The following CSMD1 variants were observed in gnomAD, a reference collection of about 807,000 sequenced individuals.
CSMD1 encodes CUB and Sushi multiple domains 1.
A neutral mutation model predicts 417.5 loss-of-function variants in CSMD1; 213 were observed. The ratio of observed to expected loss-of-function variants is 0.51; its 90% CI spans 0.46 to 0.57. CSMD1 has a LOEUF of 0.57. Ranked by LOEUF, CSMD1 falls within the 20% of genes least tolerant of loss-of-function variation. The pLI is 0.00. For missense variants in CSMD1, 6,923 were observed against 4,529.7 expected (o/e 1.53, Z -15.17); for synonymous variants, 2,862 against 1,736.8 (o/e 1.65, Z -16.11).
At chr8:3,322,075 C>G (rs1806188902) in intron 23 of CSMD1, among the ~76,000 whole-genome samples, 1 of 152,186 alleles carries the variant, frequency 6.6e-6, no homozygotes, top group Non-Finnish European at 1.5e-5. Flanking sequence ...GATTATTTTA[C>G]ATAATATATG....
At chr8:4,382,620 C>A (rs4875101) in intron 3 of CSMD1, among the ~76,000 whole-genome samples, 74,312 of 152,064 alleles carry the variant, frequency 0.49, 19,505 homozygotes, top group African/African-American at 0.68. Context: ...AAAGGTCATA[C>A]ATATAATTGC....
chr8:4,343,849 C>T (rs1028662533), intron 3 of CSMD1, among the ~76,000 whole-genome samples: 6 of 152,200 alleles, frequency 3.9e-5, no homozygotes, highest in South Asian at 4.1e-4. Context: ...TTTTCTCGTA[C>T]ATCTCCTGTA....
intron 5 of CSMD1, among the ~76,000 whole-genome samples, chr8:3,815,629 T>TC (rs1179625399): frequency 9.0e-5 from 2 of 22,270 alleles, no homozygotes; most frequent in African/African-American, 1.1e-4. Context: ...AGACTTTCTT[T>TC]TTTTTTTTTT....
intron 6 of CSMD1, among the ~76,000 whole-genome samples, chr8:3,746,166 G>T (rs1372849996): frequency 6.6e-6 from 1 of 152,198 alleles, no homozygotes; most frequent in African/African-American, 2.4e-5. Flanking sequence ...AGCAGCTCAG[G>T]GCTGATACGC....
chr8:4,096,985 T>C (rs1482409328), intron 3 of CSMD1, among the ~76,000 whole-genome samples: 1 of 152,206 alleles, frequency 6.6e-6, no homozygotes. Context: ...TTCAAAGGGA[T>C]GGGCAGAGAT....
At chr8:4,682,918 A>C (rs1184776612) in intron 1 of CSMD1, among the ~76,000 whole-genome samples, 1 of 146,014 alleles carries the variant, frequency 6.8e-6, no homozygotes, top group Non-Finnish European at 1.5e-5. Context: ...TTTTAGAGAA[A>C]TGTTTCTCTC....
In CSMD1 at chr8:3,230,250, G is replaced by T. The variant is rs371635862; in HGVS notation, c.4154-19C>A. Reference sequence around the variant, plus strand: ...ATTGAGGCTGCAAACAAAAGAGAAGGCAAGGTCACAGGCTGGAAAACATGG... The same window carrying T: ...ATTGAGGCTGCAAACAAAAGAGAAGTCAAGGTCACAGGCTGGAAAACATGG... On this transcript the variant is annotated intron_variant, in intron 26 of 69. Coordinates refer to ENST00000635120, the MANE Select transcript of CSMD1 (RefSeq NM_033225.6). 1.3e-6 allele frequency: 2 copies of T among 1,547,668 alleles called. No individual in the cohort carries two copies. Among genetic ancestry groups the T allele is most frequent in the Non-Finnish European group, 1.7e-6 (2 of 1,143,148 alleles).
intron 10 of CSMD1, among the ~76,000 whole-genome samples, chr8:3,561,039 A>T (rs934781331): frequency 2.0e-5 from 3 of 152,202 alleles, no homozygotes; most frequent in Admixed American, 1.3e-4. Context: ...CACACATGAA[A>T]AAATGCCCAG....
rs1452832609 is a variant in CSMD1 at position 3,493,668 on chromosome 8, A to G, written c.1403T>C (p.Val468Ala). The G allele has an allele frequency of 2.5e-6, 4 of 1,612,334 alleles. No homozygotes were observed. Among genetic ancestry groups the G allele is most frequent in the Non-Finnish European group, 2.5e-6 (3 of 1,179,372 alleles). The change falls in exon 11 of 70, where the codon GTT becomes GCT. Residue 468 changes from valine to alanine, a missense_variant. Coordinates refer to ENST00000635120, the MANE Select transcript of CSMD1 (RefSeq NM_033225.6). ...GTCTCCCACCTTCCCAGCATCACCA[A>G]CCGTCAGGGTGTCATAGCCTCGCTC... ...ELERGYDTLT[V>A]GDAGKVGDTR...
At chr8:4,377,363 G>A (rs911092133) in intron 3 of CSMD1, among the ~76,000 whole-genome samples, 1 of 152,114 alleles carries the variant, frequency 6.6e-6, no homozygotes, top group East Asian at 1.9e-4. Flanking sequence ...GCTTTTAATG[G>A]TTTGCTTCCT....
At chr8:3,952,986 T>C (rs1163181057) in intron 5 of CSMD1, among the ~76,000 whole-genome samples, 9 of 147,594 alleles carry the variant, frequency 6.1e-5, no homozygotes, top group Admixed American at 4.7e-4. Flanking sequence ...TATTTAAAAA[T>C]TAGAAAAATA....
intron 63 of CSMD1, among the ~76,000 whole-genome samples, chr8:2,956,267 T>C (rs908288551): frequency 6.6e-6 from 1 of 152,036 alleles, no homozygotes; most frequent in Non-Finnish European, 1.5e-5. Flanking sequence ...AAAACTTTAA[T>C]GTGTATTTAG....
At chr8:3,492,804 C>G (rs1270933633) in intron 11 of CSMD1, among the ~76,000 whole-genome samples, 1 of 152,094 alleles carries the variant, frequency 6.6e-6, no homozygotes, top group East Asian at 1.9e-4. Context: ...CAGAGTTCTT[C>G]AAAGGTACAC....
chr8:4,523,503 T>C (rs1427828050), intron 2 of CSMD1, among the ~76,000 whole-genome samples: 3 of 152,116 alleles, frequency 2.0e-5, no homozygotes, highest in Non-Finnish European at 4.4e-5. Context: ...GTAGGATGGC[T>C]GTTGCTAGTT....
At chr8:4,733,544 C>G (rs1416066089) in intron 1 of CSMD1, among the ~76,000 whole-genome samples, 2 of 152,168 alleles carry the variant, frequency 1.3e-5, no homozygotes, top group Non-Finnish European at 2.9e-5. Flanking sequence ...AGTGCATTGC[C>G]CATTTAAACT....
intron 6 of CSMD1, among the ~76,000 whole-genome samples, chr8:3,741,336 T>C (rs972319896): frequency 6.6e-6 from 1 of 151,522 alleles, no homozygotes; most frequent in Admixed American, 6.6e-5. Flanking sequence ...AGCTTCCCTT[T>C]CAAGAAGTTT....
intron 5 of CSMD1, among the ~76,000 whole-genome samples, chr8:3,839,692 G>A (rs1407865759): frequency 6.7e-6 from 1 of 149,188 alleles, no homozygotes; most frequent in Non-Finnish European, 1.5e-5. Context: ...TCATTTGGGA[G>A]CTGTTGTGGA....
intron 3 of CSMD1, among the ~76,000 whole-genome samples, chr8:4,146,511 A>G (rs1035045844): frequency 6.8e-6 from 1 of 147,188 alleles, no homozygotes; most frequent in Non-Finnish European, 1.5e-5. Flanking sequence ...TGTGATGTGC[A>G]CAGTGTGTGT....
At position 4,460,517 on chromosome 8, in the gene CSMD1, CA is replaced by C. The variant is rs544643186; in HGVS notation, c.303-40453del. Among the ~76,000 whole-genome samples the C allele has an allele frequency of 1.6e-3, 238 of 152,040 alleles. 1 individual carries two copies. Among genetic ancestry groups the C allele is most frequent in the African/African-American group, 5.5e-3 (230 of 41,494 alleles). ...TACAATAGAAAAAAATGAACGTAAGCAAATTCAAAGAAATTTTTAAACCTTC... is the reference window on the plus strand; with the variant it reads ...TACAATAGAAAAAAATGAACGTAAGCAATTCAAAGAAATTTTTAAACCTTC... On this transcript the variant is annotated intron_variant, in intron 2 of 69. Coordinates refer to ENST00000635120, the MANE Select transcript of CSMD1 (RefSeq NM_033225.6).
Sources: gnomAD v4.1 joint callset for allele counts (sites outside exome capture counted in the v4.1 genomes callset) on GRCh38, gnomAD v4.1.1 for gene constraint, MANE v1.5 for transcripts, NCBI Gene and HGNC (gene_info 2026-07-23, HGNC 2026-07-21) for gene names.